The following CCDC175 variants were observed in gnomAD, a reference collection of about 807,000 sequenced individuals.
CCDC175 encodes coiled-coil domain-containing protein 175.
Under a neutral mutation model 114.6 loss-of-function variants are expected in CCDC175, and 100 were observed. The ratio of observed to expected loss-of-function variants is 0.87; its 90% CI spans 0.74 to 1.03. The LOEUF is 1.03. Among genes scored for constraint, CCDC175 ranks in the 50% least tolerant of loss-of-function variants. The pLI is 0.00. For missense variants in CCDC175, 880 were observed against 917.8 expected (o/e 0.96, Z 0.53); for synonymous variants, 306 against 308.7 (o/e 0.99, Z 0.09).
intron 8 of CCDC175, among the ~76,000 whole-genome samples, chr14:59,549,426 T>C (rs1306844947): frequency 6.6e-6 from 1 of 152,126 alleles, no homozygotes; most frequent in Non-Finnish European, 1.5e-5. Context: ...AGCAGGAGGA[T>C]CACCTAGGCC....
chr14:59,541,875 A>G (rs1481987546), intron 10 of CCDC175, among the ~76,000 whole-genome samples: 1 of 152,236 alleles, frequency 6.6e-6, no homozygotes, highest in Non-Finnish European at 1.5e-5. Flanking sequence ...ATTCAGTCCA[A>G]ATCGATCTTC....
At chr14:59,528,554 C>T (rs1312364715) in intron 14 of CCDC175, among the ~76,000 whole-genome samples, 1 of 152,036 alleles carries the variant, frequency 6.6e-6, no homozygotes, top group African/African-American at 2.4e-5. Flanking sequence ...TCCCACATCC[C>T]CCACCCACAC....
At position 59,541,554 on chromosome 14, in the gene CCDC175, GTTTC is replaced by G. The variant is rs1894788874; in HGVS notation, c.1284-812_1284-809del. ...AAACTAGAAACATACCTGTTCTCGT[GTTTC>G]TTTGTCTGTTTGAAACTGTAGTATG... On this transcript the variant is annotated intron_variant, in intron 10 of 19. Transcript: ENST00000537690. 2.6e-5 allele frequency among the ~76,000 whole-genome samples: 4 copies of G among 152,276 alleles called. No homozygotes were observed. In the South Asian group the frequency reaches 6.2e-4, roughly 24 times the overall value.
In CCDC175 at chr14:59,510,769, TTA is replaced by T; in HGVS notation, c.2180_2181del (p.Ile727LysfsTer9). 1.3e-6 allele frequency: 2 copies of T among 1,537,512 alleles called. No individual in the cohort carries two copies. Among genetic ancestry groups the T allele is most frequent in the East Asian group, 2.4e-5 (1 of 40,912 alleles). On this transcript the variant is annotated frameshift_variant, in exon 19 of 20. Transcript: ENST00000537690. LOFTEE classifies it high-confidence loss of function. ...TCACGCAGCTTGTCTGTTAGATTGT[TTA>T]TGTCTTGCAAGGTCTCTTCACCATT... Reference protein sequence around the residue: ...VDNGEETLQDINNLTDKLRER... With the variant: ...VDNGEETLQDXNNLTDKLRER...
At chr14:59,509,041 G>A (rs1892605106) in intron 19 of CCDC175, among the ~76,000 whole-genome samples, 1 of 152,082 alleles carries the variant, frequency 6.6e-6, no homozygotes, top group South Asian at 2.1e-4. Flanking sequence ...GTCTCTACTT[G>A]TCATAGATTA....
intron 3 of CCDC175, 39 bp from the exon 4 acceptor site, chr14:59,568,419 A>C: frequency 2.8e-6 from 4 of 1,454,462 alleles, no homozygotes; most frequent in Non-Finnish European, 3.6e-6. Context: ...TTATTTGAGG[A>C]AAAGCACAAC....
rs1200882943 is a variant in CCDC175, at chr14:59,568,231, A to G, written c.491+14T>C. On this transcript the variant is annotated intron_variant, in intron 4 of 19. Transcript: ENST00000537690. Reference sequence around the variant, plus strand: ...ACCCCTGCTCCCTCAAATACTGAATATAAGAATACCTACCCCAGAGCTTCA... The same window carrying G: ...ACCCCTGCTCCCTCAAATACTGAATGTAAGAATACCTACCCCAGAGCTTCA... The G allele has an allele frequency of 2.6e-6, 4 of 1,521,374 alleles. No homozygotes were observed. The highest frequency in any genetic ancestry group is 2.6e-6 in the Non-Finnish European group (3 of 1,142,922). The allele number at this position is 1,521,374 out of a possible 1,614,324, so 94.2% of individuals were successfully genotyped here.
intron 10 of CCDC175, among the ~76,000 whole-genome samples, chr14:59,541,885 C>A (rs1377375845): frequency 6.6e-6 from 1 of 152,174 alleles, no homozygotes. Flanking sequence ...AATCGATCTT[C>A]CTCCTCTTTT....
At chr14:59,575,710 A>G (rs568350062) in intron 1 of CCDC175, among the ~76,000 whole-genome samples, 1 of 152,148 alleles carries the variant, frequency 6.6e-6, no homozygotes, top group Non-Finnish European at 1.5e-5. Context: ...GGGTTTCACC[A>G]TGTTGGCCAG....
chr14:59,543,354 C>A lies in CCDC175; in HGVS notation c.1273G>T (p.Glu425Ter). The stretch of plus-strand genomic sequence containing the variant: ...AGGCAACAAACATACTGTTGAAGTT[C>A]CTGGAGTGTGATGAGTCCTTCTTCC... The part of the protein sequence containing the change: ...NMEEGLITLQ[E>*]LQQATKTVYQ... Residue 425 changes from glutamate to a stop codon, truncating the protein, a stop_gained, in exon 10 of 20, where the codon GAA (glutamate) becomes TAA (stop). Coordinates refer to ENST00000537690, the MANE Select transcript of CCDC175 (RefSeq NM_001164399.2). LOFTEE classifies it high-confidence loss of function. The A allele has an allele frequency of 1.5e-6, 2 of 1,340,332 alleles. No individual in the cohort carries two copies. The highest frequency in any genetic ancestry group is 2.0e-6 in the Non-Finnish European group (2 of 1,001,756). 83.0% of individuals were successfully genotyped at this position (1,340,332 alleles called of 1,614,324 possible).
intron 3 of CCDC175, among the ~76,000 whole-genome samples, chr14:59,569,180 C>T (rs1829387814): frequency 6.6e-6 from 1 of 152,222 alleles, no homozygotes; most frequent in Admixed American, 6.5e-5. Flanking sequence ...CATTTCTACA[C>T]AGCAAACTCC....
At chr14:59,527,779 T>C (rs966356546) in intron 14 of CCDC175, among the ~76,000 whole-genome samples, 3 of 152,198 alleles carry the variant, frequency 2.0e-5, no homozygotes, top group Non-Finnish European at 4.4e-5. Context: ...CACATTAACA[T>C]ATCTGTGAGT....
Position 59,540,733 on chromosome 14 carries a change from C to CT in CCDC175, c.1296dup (p.Val433SerfsTer12). On this transcript the variant is annotated frameshift_variant, in exon 11 of 20. Transcript: ENST00000537690. LOFTEE classifies it high-confidence loss of function. ...AGGATTTTGATTTGTTGCTGATACA[C>CT]TGTTTTTGTTGCTCTAAAAAGAAAA... 7.0e-7 allele frequency: 1 copy of CT among 1,422,256 alleles called. No homozygotes were observed. Among genetic ancestry groups the CT allele is most frequent in the Non-Finnish European group, 9.3e-7 (1 of 1,080,118 alleles). The allele number at this position is 1,422,256 out of a possible 1,614,324, so 88.1% of individuals were successfully genotyped here.
intron 1 of CCDC175, among the ~76,000 whole-genome samples, chr14:59,576,335 C>T (rs8003052): frequency 0.29 from 43,977 of 152,070 alleles, 6,450 homozygotes; most frequent in South Asian, 0.39. Context: ...AGGTCGCAGG[C>T]ATAGGGCAGT....
At chr14:59,521,189 T>G (rs1225777223) in intron 17 of CCDC175, among the ~76,000 whole-genome samples, 1 of 152,202 alleles carries the variant, frequency 6.6e-6, no homozygotes, top group Non-Finnish European at 1.5e-5. Flanking sequence ...TCTAATCAGC[T>G]GCCAGCGTGG....
intron 13 of CCDC175, among the ~76,000 whole-genome samples, chr14:59,532,893 C>T (rs1408938522): frequency 6.6e-6 from 1 of 152,200 alleles, no homozygotes; most frequent in East Asian, 1.9e-4. Context: ...TTCAGACTCA[C>T]AAAATTTGAT....
Position 59,511,548 on chromosome 14 carries a change from T to TA in CCDC175, c.2142+211dup, listed in dbSNP as rs34490884. Among the ~76,000 whole-genome samples the TA allele has an allele frequency of 9.2e-3, 873 of 94,650 alleles. 13 individuals are homozygous for TA. Among genetic ancestry groups the TA allele is most frequent in the African/African-American group, 0.033 (793 of 24,360 alleles). 62.1% of individuals were successfully genotyped at this position (94,650 alleles called of 152,430 possible). On this transcript the variant is annotated intron_variant, in intron 18 of 19. Transcript: ENST00000537690. ...ATTAAGATTTCATAGTGATATTTGG[T>TA]AAAAAAAAAAAAAAAAAAAGACACA... is the stretch of plus-strand genomic sequence containing the variant.
intron 7 of CCDC175, among the ~76,000 whole-genome samples, chr14:59,555,203 A>C (rs868522024): frequency 7.5e-4 from 114 of 152,194 alleles, no homozygotes; most frequent in South Asian, 5.0e-3. Flanking sequence ...AACATCGATG[A>C]AAAAATCCTC....
At chr14:59,565,380 CTTATT>C in intron 4 of CCDC175, 105 bp from the exon 5 acceptor site, 1 of 897,584 alleles carries the variant, frequency 1.1e-6, no homozygotes, top group Non-Finnish European at 1.7e-6. Flanking sequence ...GTAAGGAATA[CTTATT>C]TTATGACTGT....
Sources: allele counts gnomAD v4.1 joint callset (sites outside exome capture counted in the v4.1 genomes callset), GRCh38; gene constraint gnomAD v4.1.1; transcripts MANE v1.5; gene names NCBI Gene and HGNC (gene_info 2026-07-23, HGNC 2026-07-21).